FOXK2: variants seen among roughly 807,000 people sequenced by gnomAD.
FOXK2 encodes forkhead box protein K2.
A neutral mutation model predicts 53.3 loss-of-function variants in FOXK2; 24 were observed. The observed-to-expected ratio is 0.45, with a 90% CI of 0.33 to 0.63. FOXK2 has a LOEUF of 0.63. Among genes scored for constraint, FOXK2 ranks in the 30% least tolerant of loss-of-function variants. The pLI, the probability that FOXK2 is intolerant of heterozygous loss-of-function variation, is 0.03. For missense variants in FOXK2, 952 were observed against 910.5 expected (o/e 1.05, Z -0.59); for synonymous variants, 505 against 407.1 (o/e 1.24, Z -2.89).
At chr17:82,567,436 G>C (rs946886275) in intron 2 of FOXK2, among the ~76,000 whole-genome samples, 4 of 152,194 alleles carry the variant, frequency 2.6e-5, no homozygotes, top group African/African-American at 9.7e-5. Flanking sequence ...GGAAAAAGTG[G>C]CTGTTTGAAA....
intron 4 of FOXK2, among the ~76,000 whole-genome samples, chr17:82,575,240 G>A (rs1246377629): frequency 6.6e-6 from 1 of 152,240 alleles, no homozygotes; most frequent in Non-Finnish European, 1.5e-5. Context: ...CTCGGTAGGA[G>A]AGGAAGAAAA....
At chr17:82,561,125 A>G (rs1047569247) in intron 1 of FOXK2, among the ~76,000 whole-genome samples, 1 of 152,196 alleles carries the variant, frequency 6.6e-6, no homozygotes, top group East Asian at 1.9e-4. Flanking sequence ...GGGTTTTGGC[A>G]GAGAAGCTTT....
chr17:82,579,999 C>T (rs1418548953), intron 4 of FOXK2, among the ~76,000 whole-genome samples: 2 of 122,968 alleles, frequency 1.6e-5, no homozygotes, highest in Non-Finnish European at 3.4e-5. Context: ...CCCTCCCACA[C>T]ATGGCCTAGC....
intron 1 of FOXK2, among the ~76,000 whole-genome samples, chr17:82,534,240 C>T (rs1374355010): frequency 2.0e-5 from 3 of 151,700 alleles, no homozygotes; most frequent in East Asian, 3.9e-4. Context: ...AGCAAAACCT[C>T]GACTCGAAAA....
chr17:82,540,229 C>T (rs1458865245), intron 1 of FOXK2, among the ~76,000 whole-genome samples: 4 of 150,874 alleles, frequency 2.7e-5, no homozygotes, highest in Non-Finnish European at 2.9e-5. Flanking sequence ...TGCGGTGAGC[C>T]GAGGTCATGC....
chr17:82,554,258 T>G (rs1434777136), intron 1 of FOXK2, among the ~76,000 whole-genome samples: 1 of 152,190 alleles, frequency 6.6e-6, no homozygotes, highest in Non-Finnish European at 1.5e-5. Flanking sequence ...TATTTAAATC[T>G]GATTCATTTC....
chr17:82,542,616 G>A (rs1328468606), intron 1 of FOXK2, among the ~76,000 whole-genome samples: 1 of 152,096 alleles, frequency 6.6e-6, no homozygotes, highest in Admixed American at 6.6e-5. Context: ...TGCCACACCC[G>A]GCAGAAGGGC....
chr17:82,566,361 G>A lies in FOXK2; in HGVS notation c.615-1693G>A, dbSNP rs183777647. 5.8e-4 allele frequency among the ~76,000 whole-genome samples: 89 copies of A among 152,170 alleles called. 1 individual carries two copies. Among genetic ancestry groups the A allele is most frequent in the Admixed American group, 5.8e-3 (88 of 15,294 alleles). ...CCTGGTGCTGTCTGAGAGTCGCCCC[G>A]GCTGGCATCAGGGCCTTCTCGTTGC... On this transcript the variant is annotated intron_variant, in intron 2 of 8. Coordinates refer to ENST00000335255, the MANE Select transcript of FOXK2 (RefSeq NM_004514.4).
At chr17:82,574,374 G>C (rs1283597872) in intron 4 of FOXK2, among the ~76,000 whole-genome samples, 4 of 150,090 alleles carry the variant, frequency 2.7e-5, no homozygotes, top group Non-Finnish European at 4.4e-5. Context: ...AGGCTGGAGT[G>C]CAATGGCGCG....
At chr17:82,524,227 T>C (rs2044395681) in intron 1 of FOXK2, among the ~76,000 whole-genome samples, 1 of 152,244 alleles carries the variant, frequency 6.6e-6, no homozygotes, top group South Asian at 2.1e-4. Flanking sequence ...TTCAGATTTG[T>C]CTACTAAATT....
intron 1 of FOXK2, among the ~76,000 whole-genome samples, chr17:82,530,477 A>C: frequency 6.9e-6 from 1 of 145,432 alleles, no homozygotes; most frequent in Non-Finnish European, 1.5e-5. Context: ...GAGAGAGAAA[A>C]CCCGAAATAA....
chr17:82,555,189 G>A (rs1426654125), intron 1 of FOXK2, among the ~76,000 whole-genome samples: 1 of 152,314 alleles, frequency 6.6e-6, no homozygotes, highest in East Asian at 1.9e-4. Flanking sequence ...GAGGAAAGTT[G>A]CAGGGCCAGG....
chr17:82,601,406 G>A lies in FOXK2; in HGVS notation c.1890G>A (p.Lys630=). 6.2e-7 allele frequency: 1 copy of A among 1,613,274 alleles called. No individual in the cohort carries two copies. Among genetic ancestry groups the A allele is most frequent in the Non-Finnish European group, 8.5e-7 (1 of 1,180,034 alleles). The change falls in exon 9 of 9, where the codon AAG becomes AAA. Residue 630 remains lysine (K), a synonymous_variant. Transcript: ENST00000335255. ...ACCAGCCGGAGCAGCCGGAGCTGAA[G>A]CGGATCAAGACAGAAGACGGCGAGG... is the stretch of plus-strand genomic sequence containing the variant. ...NGDQPEQPEL[K]RIKTEDGEGI...
At position 82,586,092 on chromosome 17, in the gene FOXK2, C is replaced by T; in HGVS notation, c.1468C>T (p.Pro490Ser). ...GGTCACCAGTGTGGCCGGACTGGCC[C>T]CAGCGAACACGTACACTGTCTCTGG... The part of the protein sequence containing the change: ...VSVTSVAGLA[P>S]ANTYTVSGQA... Residue 490 changes from proline (P) to serine (S), a missense_variant, in exon 7 of 9, where the codon CCA becomes TCA. By Grantham distance (74) the Pro-to-Ser change is moderately conservative. This residue lies in a region of FOXK2 where 551 missense variants were observed against 385.1 expected (regional missense o/e 1.43). Transcript: ENST00000335255. 3 of 1,612,748 alleles carry T rather than the reference C, an allele frequency of 1.9e-6. No homozygotes were observed. Among genetic ancestry groups the T allele is most frequent in the Non-Finnish European group, 2.5e-6 (3 of 1,179,964 alleles).
intron 4 of FOXK2, among the ~76,000 whole-genome samples, chr17:82,582,053 C>T (rs1318518611): frequency 6.6e-6 from 1 of 152,112 alleles, no homozygotes; most frequent in African/African-American, 2.4e-5. Context: ...TGCTGGTTTA[C>T]CAAATACTTT....
intron 1 of FOXK2, among the ~76,000 whole-genome samples, chr17:82,532,293 C>T (rs1192032011): frequency 6.6e-6 from 1 of 151,838 alleles, no homozygotes; most frequent in Non-Finnish European, 1.5e-5. Flanking sequence ...TACCAGCACC[C>T]GAGACCAGCC....
intron 6 of FOXK2, among the ~76,000 whole-genome samples, chr17:82,584,648 T>A (rs911576660): frequency 1.1e-4 from 16 of 142,196 alleles, no homozygotes; most frequent in Non-Finnish European, 2.0e-4. Flanking sequence ...GTTCAAAGAA[T>A]TCTCCTGCCT....
At chr17:82,591,841 G>A (rs1204298465) in intron 8 of FOXK2, among the ~76,000 whole-genome samples, 1 of 152,190 alleles carries the variant, frequency 6.6e-6, no homozygotes, top group African/African-American at 2.4e-5. Flanking sequence ...CTGTCTCTGG[G>A]CTGCAGGCGC....
At chr17:82,559,975 T>C (rs189554496) in intron 1 of FOXK2, among the ~76,000 whole-genome samples, 2 of 150,014 alleles carry the variant, frequency 1.3e-5, no homozygotes, top group East Asian at 2.0e-4. Flanking sequence ...GAATGTGAAG[T>C]GTTGCAGATC....
Sources: allele counts gnomAD v4.1 joint callset (sites outside exome capture counted in the v4.1 genomes callset), GRCh38; gene constraint gnomAD v4.1.1; regional missense constraint gnomAD v4.1.1; transcripts MANE v1.5; gene names NCBI Gene and HGNC (gene_info 2026-07-23, HGNC 2026-07-21).